Variants in GNAL observed in about 807,000 individuals in gnomAD.
GNAL encodes guanine nucleotide-binding protein G(olf) subunit alpha.
In GNAL, 18 loss-of-function variants were observed where a neutral mutation model predicts 55.1. The ratio of observed to expected loss-of-function variants is 0.33; its 90% CI spans 0.23 to 0.48. GNAL has a LOEUF of 0.48. Ranked by LOEUF, GNAL falls within the 20% of genes least tolerant of loss-of-function variation. GNAL has a pLI of 0.99. For missense variants in GNAL, 412 were observed against 614.1 expected (o/e 0.67, Z 3.48); for synonymous variants, 253 against 237.0 (o/e 1.07, Z -0.62).
intron 1 of GNAL, among the ~76,000 whole-genome samples, chr18:11,700,658 C>T (rs1309181139): frequency 6.6e-6 from 1 of 152,216 alleles, no homozygotes; most frequent in Non-Finnish European, 1.5e-5. Flanking sequence ...GTCAACCTGC[C>T]GACTGATGGA....
At chr18:11,861,266 CCTT>C (rs1426942843) in intron 5 of GNAL, among the ~76,000 whole-genome samples, 27 of 152,154 alleles carry the variant, frequency 1.8e-4, no homozygotes, top group African/African-American at 1.4e-4. Context: ...TGCTGGCTCT[CCTT>C]CTTCCTTCTA....
In GNAL at chr18:11,752,603, C is replaced by T. The variant is rs552745429; in HGVS notation, c.377-250C>T. On this transcript the variant is annotated intron_variant, in intron 1 of 11. Transcript: ENST00000334049. The surrounding 1 kb of genome is among the most constrained non-coding windows in gnomAD (Gnocchi z 4.5). ...GGTAAGGCCGAGGGGCGCGCGGCGG[C>T]TCCCGGCCCCAGCGGAGCGCACAGC... is the stretch of plus-strand genomic sequence containing the variant. 6.4e-7 allele frequency: 1 copy of T among 1,573,992 alleles called. No individual in the cohort carries two copies. The highest frequency in any genetic ancestry group is 1.9e-5 in the Admixed American group (1 of 52,220).
intron 1 of GNAL, among the ~76,000 whole-genome samples, chr18:11,734,561 A>C (rs1487755742): frequency 6.6e-6 from 1 of 151,854 alleles, no homozygotes; most frequent in East Asian, 1.9e-4. Context: ...CTTGGAGAGC[A>C]GCAATTTCTG....
rs138557905 is a variant in GNAL, at chr18:11,762,744, G to C, written c.624+8799G>C. 7.2e-3 allele frequency among the ~76,000 whole-genome samples: 1,100 copies of C among 152,314 alleles called. 6 individuals carry two copies. The highest frequency in any genetic ancestry group is 0.014 in the Middle Eastern group (4 of 294). On this transcript the variant is annotated intron_variant, in intron 4 of 11. Transcript: ENST00000334049. ...ATTCCACGGTTTTCTTTGGGGGAGT[G>C]ACAAAAATGCAAGGTTTTTTTGGAA...
intron 10 of GNAL, among the ~76,000 whole-genome samples, chr18:11,874,809 C>T (rs2036491579): frequency 6.6e-6 from 1 of 150,898 alleles, no homozygotes; most frequent in South Asian, 2.1e-4. Context: ...TGCACCCTTC[C>T]CTCCCTCACT....
At chr18:11,860,504 A>ATT (rs2036107404) in intron 5 of GNAL, among the ~76,000 whole-genome samples, 1 of 152,222 alleles carries the variant, frequency 6.6e-6, no homozygotes, top group African/African-American at 2.4e-5. Flanking sequence ...TGAACTAACA[A>ATT]AGACGGATTA....
chr18:11,824,965 G>A lies in GNAL; in HGVS notation c.672G>A (p.Lys224=). 6.2e-7 allele frequency: 1 copy of A among 1,608,758 alleles called. No individual in the cohort carries two copies. ...VKKLWDDEGV[K]ACFERSNEYQ... is the part of the protein sequence containing the mutation. ...AACTTTGGGACGATGAAGGCGTGAA[G>A]GCATGCTTTGAGAGATCCAACGAAT... The change falls in exon 5 of 12, where the codon AAG becomes AAA. Residue 224 remains lysine (K), a synonymous_variant. Transcript: ENST00000334049.
intron 5 of GNAL, among the ~76,000 whole-genome samples, chr18:11,841,988 T>C (rs1177912288): frequency 6.6e-6 from 1 of 152,114 alleles, no homozygotes; most frequent in Admixed American, 6.5e-5. Context: ...TTTTTTTTTT[T>C]TGAGACGGAG....
intron 5 of GNAL, among the ~76,000 whole-genome samples, chr18:11,846,442 A>C (rs1372558332): frequency 7.7e-6 from 1 of 129,506 alleles, no homozygotes; most frequent in Non-Finnish European, 1.6e-5. Flanking sequence ...TAAATATATA[A>C]ATATAAATAT....
intron 4 of GNAL, among the ~76,000 whole-genome samples, chr18:11,794,044 G>C (rs1391052659): frequency 6.6e-6 from 1 of 152,066 alleles, no homozygotes; most frequent in Non-Finnish European, 1.5e-5. Flanking sequence ...AAACCACAAT[G>C]GGGTGCCACT....
intron 4 of GNAL, among the ~76,000 whole-genome samples, chr18:11,764,599 G>A (rs2033347514): frequency 6.6e-6 from 1 of 152,140 alleles, no homozygotes; most frequent in African/African-American, 2.4e-5. Flanking sequence ...TTGAGTCCAG[G>A]AGTTTGAGAG....
intron 1 of GNAL, among the ~76,000 whole-genome samples, chr18:11,707,117 C>T (rs1300226168): frequency 1.3e-5 from 2 of 152,200 alleles, no homozygotes; most frequent in African/African-American, 4.8e-5. Context: ...AAGTGATTAT[C>T]CTGCCTCAGC....
At chr18:11,862,251 C>G in intron 5 of GNAL, 144 bp from the exon 6 acceptor site, 1 of 590,230 alleles carries the variant, frequency 1.7e-6, no homozygotes, top group Non-Finnish European at 3.1e-6. Flanking sequence ...GATACAAATT[C>G]AGGAAACAAA....
chr18:11,848,040 G>C (rs1420427914), intron 5 of GNAL, among the ~76,000 whole-genome samples: 5 of 152,178 alleles, frequency 3.3e-5, no homozygotes, highest in Non-Finnish European at 7.3e-5. Context: ...GGAATGAGCA[G>C]ATTTGGGGGA....
rs563008107 is a variant in GNAL, at chr18:11,857,676, A to G, written c.723-4719A>G. On this transcript the variant is annotated intron_variant, in intron 5 of 11. Transcript: ENST00000334049. Reference sequence around the variant, plus strand: ...ATGGTTCAGCTGCACATGCTGACGCAGTGGGTCTGCCAGTGACGCCGATAT... The same window carrying G: ...ATGGTTCAGCTGCACATGCTGACGCGGTGGGTCTGCCAGTGACGCCGATAT... The G allele has an allele frequency of 3.0e-5, 30 of 985,382 alleles. No homozygotes were observed. In the African/African-American group the frequency reaches 4.5e-4, roughly 15 times the overall value. 61.0% of individuals were successfully genotyped at this position (985,382 alleles called of 1,614,324 possible).
At chr18:11,816,387 C>T (rs1192069943) in intron 4 of GNAL, among the ~76,000 whole-genome samples, 1 of 152,044 alleles carries the variant, frequency 6.6e-6, no homozygotes, top group Non-Finnish European at 1.5e-5. Context: ...GCCTCTGCCT[C>T]CCGGGTTCAA....
At chr18:11,836,612 A>G (rs1039977679) in intron 5 of GNAL, among the ~76,000 whole-genome samples, 1 of 152,166 alleles carries the variant, frequency 6.6e-6, no homozygotes, top group Non-Finnish European at 1.5e-5. Flanking sequence ...CACTAACCCA[A>G]TGAGTTCATT....
chr18:11,859,533 C>G (rs2036083005), intron 5 of GNAL, among the ~76,000 whole-genome samples: 1 of 152,202 alleles, frequency 6.6e-6, no homozygotes, highest in Admixed American at 6.5e-5. Context: ...TCCCAAGTCT[C>G]TCCAGCTCCC....
chr18:11,718,572 A>G (rs1302781679), intron 1 of GNAL, among the ~76,000 whole-genome samples: 2 of 152,232 alleles, frequency 1.3e-5, no homozygotes, highest in Non-Finnish European at 2.9e-5. Flanking sequence ...GATCTCTTAT[A>G]GCCAAAAAAT....
Sources: gnomAD v4.1 joint callset for allele counts (sites outside exome capture counted in the v4.1 genomes callset) on GRCh38, gnomAD v4.1.1 for gene constraint, Gnocchi (gnomAD v3.1) non-coding constraint, MANE v1.5 for transcripts, NCBI Gene and HGNC (gene_info 2026-07-23, HGNC 2026-07-21) for gene names.